The following SLC15A5 variants were observed in gnomAD, a reference collection of about 807,000 sequenced individuals.
SLC15A5 encodes the protein Peptide/histidine transporter ENSP00000340402.
Under a neutral mutation model 56.1 loss-of-function variants are expected in SLC15A5, and 58 were observed. That is an observed-to-expected ratio of 1.03 (90% CI 0.84 to 1.29). SLC15A5 has a LOEUF of 1.29. Ranked by LOEUF, SLC15A5 falls within the 50% of genes most tolerant of loss-of-function variation. SLC15A5 has a pLI of 0.00. For synonymous variants in SLC15A5, 264 were observed against 250.5 expected (o/e 1.05, Z -0.51); for missense variants, 681 against 672.1 (o/e 1.01, Z -0.15).
At position 16,269,069 on chromosome 12, in the gene SLC15A5, G is replaced by T. The variant is rs1176399469; in HGVS notation, c.584+3492C>A. Reference sequence around the variant, plus strand: ...GCCAGCAGTCTTACAGCCAGGAAGAGAACCCTCACCAGAACCCTGATCTCA... The same window carrying T: ...GCCAGCAGTCTTACAGCCAGGAAGATAACCCTCACCAGAACCCTGATCTCA... On this transcript the variant is annotated intron_variant, in intron 2 of 8. Transcript: ENST00000344941. The surrounding 1 kb of genome is among the most constrained non-coding windows in gnomAD (Gnocchi z 4.7). Among the ~76,000 whole-genome samples the T allele has an allele frequency of 1.3e-5, 2 of 151,808 alleles. No individual in the cohort carries two copies.
At chr12:16,200,436 A>G (rs1863943852) in intron 7 of SLC15A5, among the ~76,000 whole-genome samples, 1 of 152,074 alleles carries the variant, frequency 6.6e-6, no homozygotes. Context: ...CGTAATTCTT[A>G]TCAATGACTA....
At chr12:16,267,733 C>CCTTT (rs1565675239) in intron 2 of SLC15A5, among the ~76,000 whole-genome samples, 1 of 27,478 alleles carries the variant, frequency 3.6e-5, no homozygotes, top group Non-Finnish European at 6.3e-5. Context: ...CACCCCCCAC[C>CCTTT]TTTTTTTTTT....
At chr12:16,195,410 T>A (rs1037189135) in intron 7 of SLC15A5, among the ~76,000 whole-genome samples, 3 of 152,132 alleles carry the variant, frequency 2.0e-5, no homozygotes, top group Non-Finnish European at 4.4e-5. Context: ...ACCAAATGTA[T>A]TTACATTGCA....
intron 3 of SLC15A5, among the ~76,000 whole-genome samples, chr12:16,256,863 A>T (rs75932559): frequency 1.4e-4 from 11 of 79,550 alleles, no homozygotes; most frequent in South Asian, 1.1e-3. Flanking sequence ...CGTCTCAAAA[A>T]AAAAAAATAA....
intron 3 of SLC15A5, among the ~76,000 whole-genome samples, chr12:16,254,742 C>A (rs1397789600): frequency 6.6e-6 from 1 of 151,898 alleles, no homozygotes; most frequent in East Asian, 1.9e-4. Flanking sequence ...GTGAAATAAG[C>A]CAAGAGAAAG....
intron 2 of SLC15A5, among the ~76,000 whole-genome samples, chr12:16,270,693 C>G (rs1263886986): frequency 6.6e-6 from 1 of 152,124 alleles, no homozygotes; most frequent in South Asian, 2.1e-4. Context: ...AGGAACTTGC[C>G]AAAGACCATA....
intron 7 of SLC15A5, among the ~76,000 whole-genome samples, chr12:16,203,519 C>T (rs921745568): frequency 3.3e-5 from 5 of 151,872 alleles, no homozygotes; most frequent in African/African-American, 4.8e-5. Flanking sequence ...AAGAAACATT[C>T]GATACAATTT....
chr12:16,231,076 C>A (rs1231785225), intron 5 of SLC15A5, among the ~76,000 whole-genome samples: 1 of 152,122 alleles, frequency 6.6e-6, no homozygotes, highest in Non-Finnish European at 1.5e-5. Flanking sequence ...CTTAAAAATT[C>A]TCAAGTATCT....
At chr12:16,264,597 G>A (rs1186941524) in intron 2 of SLC15A5, among the ~76,000 whole-genome samples, 1 of 152,086 alleles carries the variant, frequency 6.6e-6, no homozygotes, top group Non-Finnish European at 1.5e-5. Context: ...ATATTGTTTG[G>A]CTCTGTGTCC....
chr12:16,249,649 C>T (rs1470854436), intron 3 of SLC15A5, among the ~76,000 whole-genome samples: 2 of 151,956 alleles, frequency 1.3e-5, no homozygotes, highest in African/African-American at 2.4e-5. Context: ...GAGTTTATTA[C>T]ATAGATCTGT....
rs541598923 is a variant in SLC15A5 at position 16,274,910 on chromosome 12, G to A, written c.362-2127C>T. 4.6e-5 allele frequency among the ~76,000 whole-genome samples: 7 copies of A among 152,166 alleles called. No homozygotes were observed. In the South Asian group the frequency reaches 1.4e-3, roughly 32 times the overall value. ...ATCTGTTGTAAAATGATGCAGTAAA[G>A]AGACAAAACAATGACATATATGAAG... On this transcript the variant is annotated intron_variant, in intron 1 of 8. Transcript: ENST00000344941.
At chr12:16,206,915 C>A (rs756653567) in intron 7 of SLC15A5, among the ~76,000 whole-genome samples, 9 of 152,244 alleles carry the variant, frequency 5.9e-5, no homozygotes, top group Non-Finnish European at 1.0e-4. Flanking sequence ...AGGGTGAGTT[C>A]ATTCTCTTGA....
rs1863820536 is a variant in SLC15A5 at position 16,189,582 on chromosome 12, T to C, written c.*86A>G. ...TAAAATCACCTCTGTATATATTGGC[T>C]TTTACACTAAAACACATAAAATGCT... On this transcript the variant is annotated 3_prime_UTR_variant, in exon 9 of 9. Coordinates refer to ENST00000344941, the MANE Select transcript of SLC15A5 (RefSeq NM_001170798.1). 2 of 1,225,220 alleles carry C rather than the reference T, an allele frequency of 1.6e-6. No individual in the cohort carries two copies. Among genetic ancestry groups the C allele is most frequent in the South Asian group, 5.4e-5 (2 of 36,842 alleles). 75.9% of individuals were successfully genotyped at this position (1,225,220 alleles called of 1,614,324 possible).
intron 2 of SLC15A5, among the ~76,000 whole-genome samples, chr12:16,262,175 C>T (rs1361430540): frequency 6.6e-6 from 1 of 152,198 alleles, no homozygotes; most frequent in Non-Finnish European, 1.5e-5. Flanking sequence ...TGAGCAGAAG[C>T]CATCATCCTG....
chr12:16,193,852 A>T (rs1322729357), intron 8 of SLC15A5, among the ~76,000 whole-genome samples: 1 of 132,832 alleles, frequency 7.5e-6, no homozygotes, highest in Non-Finnish European at 1.6e-5. Flanking sequence ...AGAGGCTGGC[A>T]ATGGATGGGT....
At chr12:16,257,414 A>G (rs568798280) in intron 3 of SLC15A5, among the ~76,000 whole-genome samples, 9 of 152,186 alleles carry the variant, frequency 5.9e-5, no homozygotes, top group Non-Finnish European at 1.2e-4. Flanking sequence ...ATATTCCATT[A>G]TTAAAATTTT....
chr12:16,250,066 T>G (rs1402094664), intron 3 of SLC15A5, among the ~76,000 whole-genome samples: 2 of 152,098 alleles, frequency 1.3e-5, no homozygotes, highest in East Asian at 3.9e-4. Flanking sequence ...ACTGCCTCAG[T>G]ATGTGGTGTA....
intron 7 of SLC15A5, among the ~76,000 whole-genome samples, chr12:16,197,690 ATGTAGCCTGAGCT>A (rs1863907501): frequency 6.6e-6 from 1 of 151,268 alleles, no homozygotes; most frequent in Non-Finnish European, 1.5e-5. Flanking sequence ...ACACACCATC[ATGTAGCCTGAGCT>A]TGATCTTGGG....
chr12:16,220,821 TA>T (rs545090849), intron 6 of SLC15A5, among the ~76,000 whole-genome samples: 55 of 152,292 alleles, frequency 3.6e-4, no homozygotes, highest in African/African-American at 1.2e-3. Context: ...ATTTTTGTCT[TA>T]TTTTTTTTAA....
Sources: allele counts gnomAD v4.1 joint callset (sites outside exome capture counted in the v4.1 genomes callset), GRCh38; gene constraint gnomAD v4.1.1; non-coding constraint Gnocchi (gnomAD v3.1); transcripts MANE v1.5; gene names NCBI Gene and HGNC (gene_info 2026-07-23, HGNC 2026-07-21).